SPOCD1: variants seen among roughly 807,000 people sequenced by gnomAD.
The protein encoded by SPOCD1 is SPOC domain-containing protein 1.
In SPOCD1, 64 loss-of-function variants were observed where a neutral mutation model predicts 92.2. That is an observed-to-expected ratio of 0.69 (90% confidence interval 0.57 to 0.86). The LOEUF is 0.86. Among genes scored for constraint, SPOCD1 ranks in the 40% least tolerant of loss-of-function variants. SPOCD1 has a pLI of 0.00. For missense variants in SPOCD1, 1,360 were observed against 1,543.1 expected (o/e 0.88, Z 1.99); for synonymous variants, 578 against 619.3 (o/e 0.93, Z 0.99).
chr1:31,791,032 G>A lies in SPOCD1; in HGVS notation c.3222C>T (p.Gly1074=). The change falls in exon 16 of 16, where the codon GGC becomes GGT. Residue 1074 remains glycine (G), a synonymous_variant. Transcript: ENST00000360482. The part of the protein sequence containing the change: ...PPGGAWQQSQ[G]RGSIAPRGIS... ...TTCCCCTTGGAGCTATACTGCCCCT[G>A]CCCTGGCTCTGCTGCCAGGCACCTC... 2 of 1,611,860 alleles carry A rather than the reference G, an allele frequency of 1.2e-6. No homozygotes were observed. The highest frequency in any genetic ancestry group is 1.7e-6 in the Non-Finnish European group (2 of 1,179,314).
rs753690977 is a variant in SPOCD1 at position 31,798,759 on chromosome 1, C to T, written c.1869-158G>A. On this transcript the variant is annotated intron_variant, in intron 7 of 15. Transcript: ENST00000360482. This position sits in a 1 kb window ranked among gnomAD's most constrained non-coding sequence, Gnocchi z 4.1. ...AACCTACTTATTCTCACCCCAACTCCGTGAGGAGGAAATAGGATCATTCTC... is the reference window on the plus strand; with the variant it reads ...AACCTACTTATTCTCACCCCAACTCTGTGAGGAGGAAATAGGATCATTCTC... The T allele has an allele frequency of 1.8e-5, 13 of 708,326 alleles. No homozygotes were observed. In the Admixed American group the frequency reaches 2.9e-4, roughly 16 times the overall value. The allele number at this position is 708,326 out of a possible 1,614,324, so 43.9% of individuals were successfully genotyped here.
intron 2 of SPOCD1, among the ~76,000 whole-genome samples, chr1:31,802,245 G>A (rs910671774): frequency 2.0e-5 from 3 of 152,192 alleles, no homozygotes; most frequent in African/African-American, 7.2e-5. Flanking sequence ...GCTTATAAAG[G>A]GTAAGGAAGT....
intron 2 of SPOCD1, among the ~76,000 whole-genome samples, chr1:31,813,133 C>T (rs1005308572): frequency 2.0e-5 from 3 of 152,292 alleles, no homozygotes; most frequent in South Asian, 2.1e-4. Flanking sequence ...ATTAACCCTC[C>T]GAGCCTCAGT....
chr1:31,793,383 G>A lies in SPOCD1; in HGVS notation c.2580C>T (p.Ala860=), dbSNP rs778763459. ...CTTCCCAGGGTGGCAGGCAGGGCAG[G>A]GCCTTTGTGGGTGCAGCAGGCACAT... ...GLHVPAAPTK[A]LPCLPPWEGV... is the part of the protein sequence containing the mutation. The change falls in exon 13 of 16, where the codon GCC becomes GCT. Residue 860 remains alanine (A), a synonymous_variant. Transcript: ENST00000360482. 15 of 1,592,068 alleles carry A rather than the reference G, an allele frequency of 9.4e-6. No individual in the cohort carries two copies. The South Asian group carries it at 1.6e-4, about 17-fold the overall frequency.
intron 2 of SPOCD1, among the ~76,000 whole-genome samples, chr1:31,803,501 G>A (rs1357782488): frequency 1.3e-5 from 2 of 151,704 alleles, no homozygotes; most frequent in African/African-American, 4.8e-5. Flanking sequence ...GGGAGGCCGA[G>A]ACAGGAGGAT....
rs552425260 is a variant in SPOCD1 at position 31,801,518 on chromosome 1, T to G, written c.1425+146A>C. The G allele has an allele frequency of 2.1e-4, 143 of 666,310 alleles. 1 individual carries two copies. The East Asian group carries it at 3.4e-3, about 16-fold the overall frequency. The allele number at this position is 666,310 out of a possible 1,614,324, so 41.3% of individuals were successfully genotyped here. A position where few individuals can be genotyped will look rare whatever the true frequency, so the allele number is the denominator to read the frequency against. The stretch of plus-strand genomic sequence containing the variant: ...ACTAAAAGTCTAAGATCCAACATTA[T>G]AGAGGGAGGGGAGCACTAGGATCCA... On this transcript the variant is annotated intron_variant, in intron 3 of 15. Coordinates refer to ENST00000360482, the MANE Select transcript of SPOCD1 (RefSeq NM_144569.7).
chr1:31,792,638 GTAC>G, intron 14 of SPOCD1, 37 bp downstream of exon 14: 1 of 1,489,280 alleles, frequency 6.7e-7, no homozygotes, highest in South Asian at 1.3e-5. Flanking sequence ...TGGGAGTAAG[GTAC>G]TAGGAAAAGA....
intron 2 of SPOCD1, among the ~76,000 whole-genome samples, chr1:31,803,490 T>C (rs1307508314): frequency 2.6e-5 from 4 of 151,626 alleles, no homozygotes; most frequent in Non-Finnish European, 5.9e-5. Context: ...CTCAGCACTT[T>C]GGGAGGCCGA....
At chr1:31,811,879 G>A (rs1007895940) in intron 2 of SPOCD1, among the ~76,000 whole-genome samples, 6 of 152,208 alleles carry the variant, frequency 3.9e-5, no homozygotes, top group South Asian at 2.1e-4. Flanking sequence ...GCTGCTTCCA[G>A]TCAAGCCAGG....
intron 7 of SPOCD1, among the ~76,000 whole-genome samples, chr1:31,799,118 T>A (rs186089401): frequency 6.6e-6 from 1 of 152,154 alleles, no homozygotes; most frequent in African/African-American, 2.4e-5. Flanking sequence ...CAGCACACAC[T>A]CTACGTGAAA....
rs907284331 is a variant in SPOCD1, at chr1:31,799,853, A to G, written c.1739T>C (p.Met580Thr). 2.5e-6 allele frequency: 4 copies of G among 1,614,010 alleles called. No homozygotes were observed. Among genetic ancestry groups the G allele is most frequent in the Non-Finnish European group, 3.4e-6 (4 of 1,180,026 alleles). The change falls in exon 6 of 16, where the codon ATG becomes ACG. Residue 580 changes from methionine to threonine, a missense_variant. Physicochemically the swap from Met to Thr is moderately conservative, Grantham distance 81. This residue lies in a region of SPOCD1 where 606 missense variants were observed against 601.5 expected (regional missense o/e 1.01). Transcript: ENST00000360482. ...SDPACSQSGP[M>T]EAEEDSLPEQ... Reference sequence around the variant, plus strand: ...CGGAAGAGAATCCTCTTCAGCCTCCATTGGGCCACTCTGTAGGGGAGGCGT... The same window carrying G: ...CGGAAGAGAATCCTCTTCAGCCTCCGTTGGGCCACTCTGTAGGGGAGGCGT...
intron 2 of SPOCD1, among the ~76,000 whole-genome samples, chr1:31,803,914 A>G (rs1210424711): frequency 1.3e-5 from 2 of 149,916 alleles, no homozygotes; most frequent in Non-Finnish European, 2.9e-5. Context: ...GAAAATGATT[A>G]ATCTAAAGTT....
chr1:31,797,822 C>T (rs549558176), intron 9 of SPOCD1, among the ~76,000 whole-genome samples: 3 of 152,302 alleles, frequency 2.0e-5, no homozygotes, highest in East Asian at 3.9e-4. Context: ...CCTCCCCCAA[C>T]CTGGGGTACC....
At chr1:31,801,789 T>G (rs1648484265) in intron 2 of SPOCD1, 84 bp from the exon 3 acceptor site, 1 of 1,155,132 alleles carries the variant, frequency 8.7e-7, no homozygotes, top group African/African-American at 1.5e-5. Context: ...GAAGACAATC[T>G]TGTTGAAAGG....
At chr1:31,796,558 C>T (rs778486277) in intron 10 of SPOCD1, 32 bp downstream of exon 10, 3 of 1,614,244 alleles carry the variant, frequency 1.9e-6, no homozygotes, top group Non-Finnish European at 2.5e-6. Context: ...GGCATGGGCT[C>T]TGCCCAGCAC....
intron 13 of SPOCD1, 103 bp from the exon 14 acceptor site, chr1:31,792,870 G>A: frequency 1.1e-6 from 1 of 930,026 alleles, no homozygotes; most frequent in Non-Finnish European, 1.7e-6. Context: ...GCAAATATGG[G>A]CAGGCAGTGT....
chr1:31,804,669 A>C (rs1648691282), intron 2 of SPOCD1, among the ~76,000 whole-genome samples: 1 of 128,174 alleles, frequency 7.8e-6, no homozygotes, highest in African/African-American at 2.9e-5. Flanking sequence ...AGGCAGAAGG[A>C]AGGAAAAACA....
rs1446191217 is a variant in SPOCD1, at chr1:31,792,325, T to C, written c.2852A>G (p.Asn951Ser). ...QNCRLLYSYL[N>S]DRQRHGLASV... Reference sequence around the variant, plus strand: ...GGCCAGCCCGTGGCGCTGCCTATCATTGAGGTATGAGTAGAGCAGGCGGCA... The same window carrying C: ...GGCCAGCCCGTGGCGCTGCCTATCACTGAGGTATGAGTAGAGCAGGCGGCA... Residue 951 changes from asparagine to serine, a missense_variant, in exon 15 of 16, where the codon AAT (asparagine) becomes AGT (serine). Asn to Ser is a conservative substitution (Grantham distance 46). Around this residue, in one of 3 missense-constraint regions of SPOCD1, gnomAD observed 614 missense variants for 757.8 expected, o/e 0.81. Coordinates refer to ENST00000360482, the MANE Select transcript of SPOCD1 (RefSeq NM_144569.7). The C allele has an allele frequency of 1.3e-5, 21 of 1,613,900 alleles. 1 individual carries two copies. Among genetic ancestry groups the C allele is most frequent in the South Asian group, 6.6e-5 (6 of 91,060 alleles).
chr1:31,792,842 G>T, intron 13 of SPOCD1, 75 bp from the exon 14 acceptor site: 1 of 1,206,492 alleles, frequency 8.3e-7, no homozygotes, highest in Non-Finnish European at 1.2e-6. Flanking sequence ...CCAGCCACCT[G>T]GAAGGCTGCA....
Sources: gnomAD v4.1 joint callset for allele counts (sites outside exome capture counted in the v4.1 genomes callset) on GRCh38, gnomAD v4.1.1 for gene constraint, gnomAD v4.1.1 regional missense constraint, Gnocchi (gnomAD v3.1) non-coding constraint, MANE v1.5 for transcripts, NCBI Gene and HGNC (gene_info 2026-07-23, HGNC 2026-07-21) for gene names.